Variants in AP3S1 observed in about 807,000 individuals in gnomAD.
The protein encoded by AP3S1 is AP-3 complex subunit sigma-1.
A neutral mutation model predicts 21.3 loss-of-function variants in AP3S1; 12 were observed. That is an observed-to-expected ratio of 0.56 (90% confidence interval 0.36 to 0.91). The LOEUF (loss-of-function observed/expected upper bound fraction) is 0.91, where lower values mean the gene tolerates loss of function less well. Ranked by LOEUF, AP3S1 falls within the 40% of genes least tolerant of loss-of-function variation. The probability of loss-of-function intolerance (pLI) is 0.01; values close to 1 mark genes in which losing one functional copy is unlikely to be tolerated. For missense variants in AP3S1, 116 were observed against 225.0 expected (o/e 0.52, Z 3.10); for synonymous variants, 48 against 78.4 (o/e 0.61, Z 2.05).
chr5:115,857,310 A>G (rs1302685253), intron 1 of AP3S1, among the ~76,000 whole-genome samples: 1 of 152,208 alleles, frequency 6.6e-6, no homozygotes, highest in African/African-American at 2.4e-5. Context: ...ATATCATTCT[A>G]CAAGTATGTA....
At chr5:115,909,844 C>A (rs893652398) in intron 5 of AP3S1, among the ~76,000 whole-genome samples, 1 of 152,086 alleles carries the variant, frequency 6.6e-6, no homozygotes, top group Non-Finnish European at 1.5e-5. Flanking sequence ...TACTACTGAA[C>A]CTTATATATG....
intron 1 of AP3S1, among the ~76,000 whole-genome samples, chr5:115,855,288 G>A (rs938150884): frequency 1.5e-3 from 221 of 151,896 alleles, no homozygotes; most frequent in African/African-American, 5.2e-3. Context: ...ATCTGCCTGC[G>A]TTGGCCTCCC....
intron 3 of AP3S1, among the ~76,000 whole-genome samples, chr5:115,882,050 A>G (rs1430538268): frequency 1.3e-5 from 2 of 151,832 alleles, no homozygotes; most frequent in Admixed American, 1.3e-4. Flanking sequence ...CAGCTCCATC[A>G]GGTCATTTAT....
chr5:115,842,179 T>C, intron 1 of AP3S1, 73 bp downstream of exon 1: 1 of 1,502,176 alleles, frequency 6.7e-7, no homozygotes, highest in Non-Finnish European at 8.9e-7. Flanking sequence ...CGCGGCTTTC[T>C]CAGAGCGACC....
intron 1 of AP3S1, among the ~76,000 whole-genome samples, chr5:115,858,034 C>G (rs1227517846): frequency 6.6e-6 from 1 of 152,162 alleles, no homozygotes; most frequent in African/African-American, 2.4e-5. Context: ...TTAAATAAAT[C>G]TCTTCTGGAG....
intron 4 of AP3S1, among the ~76,000 whole-genome samples, chr5:115,897,972 C>G (rs1018742748): frequency 5.3e-5 from 8 of 152,156 alleles, no homozygotes; most frequent in African/African-American, 1.9e-4. Context: ...GAGAATATCC[C>G]TTTTGTTATC....
intron 1 of AP3S1, among the ~76,000 whole-genome samples, chr5:115,847,575 C>A (rs1762152144): frequency 6.6e-6 from 1 of 152,282 alleles, no homozygotes. Context: ...GCTGAGATTG[C>A]GCCATTGCGC....
intron 3 of AP3S1, among the ~76,000 whole-genome samples, chr5:115,879,738 A>G (rs1452801032): frequency 6.6e-6 from 1 of 150,986 alleles, no homozygotes; most frequent in Non-Finnish European, 1.5e-5. Flanking sequence ...TAGGGAGGAG[A>G]CTCTCTTTTT....
intron 4 of AP3S1, among the ~76,000 whole-genome samples, chr5:115,900,040 C>T (rs1229804744): frequency 6.6e-6 from 1 of 151,362 alleles, no homozygotes; most frequent in Non-Finnish European, 1.5e-5. Context: ...AAAATTAGAT[C>T]AAACTTAAAA....
At chr5:115,852,176 T>G (rs540798566) in intron 1 of AP3S1, among the ~76,000 whole-genome samples, 1 of 152,298 alleles carries the variant, frequency 6.6e-6, no homozygotes, top group Non-Finnish European at 1.5e-5. Flanking sequence ...CAGAATGAAT[T>G]ATCTCTTTTA....
intron 1 of AP3S1, among the ~76,000 whole-genome samples, chr5:115,847,110 G>T (rs1762120391): frequency 6.6e-6 from 1 of 152,112 alleles, no homozygotes; most frequent in Admixed American, 6.5e-5. Flanking sequence ...ATCTGTTTCT[G>T]CAGTCCTGGA....
intron 5 of AP3S1, among the ~76,000 whole-genome samples, chr5:115,906,600 A>G (rs1751674039): frequency 6.6e-6 from 1 of 151,808 alleles, no homozygotes; most frequent in African/African-American, 2.4e-5. Context: ...ATTCGGGGGA[A>G]GTATAAGAGG....
chr5:115,899,862 G>A (rs1301289940), intron 4 of AP3S1, among the ~76,000 whole-genome samples: 4 of 151,380 alleles, frequency 2.6e-5, no homozygotes, highest in Non-Finnish European at 5.9e-5. Flanking sequence ...AGAAGAATGA[G>A]GAATAATTAA....
intron 5 of AP3S1, chr5:115,911,982 A>T (rs913771033): frequency 1.3e-5 from 2 of 151,926 alleles, no homozygotes; most frequent in Non-Finnish European, 2.9e-5. Context: ...TGTAGAATAT[A>T]CTTATTATTA....
chr5:115,905,370 A>C, intron 5 of AP3S1, among the ~76,000 whole-genome samples: 1 of 152,208 alleles, frequency 6.6e-6, no homozygotes, highest in East Asian at 1.9e-4. Context: ...AGTTTAGAAT[A>C]CTGGTGATTA....
At chr5:115,885,300 G>C (rs1343360340) in intron 3 of AP3S1, among the ~76,000 whole-genome samples, 2 of 152,152 alleles carry the variant, frequency 1.3e-5, no homozygotes, top group Non-Finnish European at 2.9e-5. Context: ...AGCTGGGGAA[G>C]AAAGAAGCCA....
intron 3 of AP3S1, among the ~76,000 whole-genome samples, chr5:115,875,096 G>T (rs1010662225): frequency 6.6e-6 from 1 of 151,970 alleles, no homozygotes; most frequent in African/African-American, 2.4e-5. Flanking sequence ...TGTAAGAAAG[G>T]CATATAAAAT....
At chr5:115,912,164 T>C (rs553554242) in intron 5 of AP3S1, 5 of 151,962 alleles carry the variant, frequency 3.3e-5, no homozygotes, top group Non-Finnish European at 7.4e-5. Context: ...ATTTTTATTT[T>C]AATTAACAAA....
At chr5:115,868,539 A>C (rs1406191758) in intron 2 of AP3S1, among the ~76,000 whole-genome samples, 1 of 152,024 alleles carries the variant, frequency 6.6e-6, no homozygotes, top group East Asian at 1.9e-4. Context: ...ATACCTTGGG[A>C]AGTTGTTTCT....
Sources: gnomAD v4.1 joint callset for allele counts (sites outside exome capture counted in the v4.1 genomes callset) on GRCh38, gnomAD v4.1.1 for gene constraint, MANE v1.5 for transcripts, NCBI Gene and HGNC (gene_info 2026-07-23, HGNC 2026-07-21) for gene names.